The following ATG10 variants were observed in gnomAD, a reference collection of about 807,000 sequenced individuals.
ATG10 encodes ubiquitin-like-conjugating enzyme ATG10.
ATG10 carries 30 observed loss-of-function variants against 32.1 expected under a neutral mutation model. That is an observed-to-expected ratio of 0.94 (90% CI 0.70 to 1.27). The LOEUF is 1.27. ATG10 is among the 50% of genes most tolerant of loss of function. The probability of loss-of-function intolerance (pLI) is 0.00; values close to 1 mark genes in which losing one functional copy is unlikely to be tolerated. For synonymous variants in ATG10, 87 were observed against 91.5 expected (o/e 0.95, Z 0.28); for missense variants, 233 against 262.3 (o/e 0.89, Z 0.77).
At chr5:82,080,111 G>A (rs1381068998) in intron 3 of ATG10, among the ~76,000 whole-genome samples, 2 of 152,154 alleles carry the variant, frequency 1.3e-5, no homozygotes, top group African/African-American at 4.8e-5. Flanking sequence ...TTTATCTGAT[G>A]GCCAGTGATG....
At chr5:82,206,677 A>T (rs895166637) in intron 5 of ATG10, among the ~76,000 whole-genome samples, 4 of 152,080 alleles carry the variant, frequency 2.6e-5, no homozygotes, top group African/African-American at 9.7e-5. Flanking sequence ...TTCTTATTGA[A>T]GTGTAATGTA....
intron 3 of ATG10, among the ~76,000 whole-genome samples, chr5:82,060,295 G>T (rs986580246): frequency 3.9e-5 from 6 of 152,062 alleles, no homozygotes; most frequent in African/African-American, 1.4e-4. Context: ...ACATTTTGCT[G>T]TGCTTGCTTT....
intron 2 of ATG10, chr5:82,009,873 C>A (rs1246235581): frequency 6.2e-7 from 1 of 1,609,778 alleles, no homozygotes; most frequent in Non-Finnish European, 8.5e-7. Context: ...GGACTTGCCA[C>A]TAGTGCCATT....
intron 2 of ATG10, among the ~76,000 whole-genome samples, chr5:82,046,748 G>A (rs773744726): frequency 7.2e-5 from 11 of 152,142 alleles, no homozygotes; most frequent in Non-Finnish European, 1.5e-4. Context: ...CAAGGATAGT[G>A]CTTTGAAATC....
rs1743221313 is a variant in ATG10, at chr5:82,159,527, T to C, written c.217-4872T>C. Reference sequence around the variant, plus strand: ...AGAATTCTCTTCATTCTGTGTTCTGTAACATGGTATCAGAAACTTTTTTAT... The same window carrying C: ...AGAATTCTCTTCATTCTGTGTTCTGCAACATGGTATCAGAAACTTTTTTAT... On this transcript the variant is annotated intron_variant, in intron 3 of 7. Coordinates refer to ENST00000282185, the MANE Select transcript of ATG10 (RefSeq NM_031482.5). Among the ~76,000 whole-genome samples the C allele has an allele frequency of 2.0e-5, 3 of 152,164 alleles. No individual in the cohort carries two copies. The South Asian group carries it at 6.2e-4, about 32-fold the overall frequency.
In ATG10 at chr5:82,119,300, A is replaced by G. The variant is rs574966223; in HGVS notation, c.217-45099A>G. 7.9e-5 allele frequency among the ~76,000 whole-genome samples: 12 copies of G among 152,232 alleles called. No individual in the cohort carries two copies. The East Asian group carries it at 2.3e-3, about 29-fold the overall frequency. On this transcript the variant is annotated intron_variant, in intron 3 of 7. Coordinates refer to ENST00000282185, the MANE Select transcript of ATG10 (RefSeq NM_031482.5). Reference sequence around the variant, plus strand: ...TTAACTTGAAAAAATTTTGCTTTTCAATCTTGATAACACTTTTAAAGCAAT... The same window carrying G: ...TTAACTTGAAAAAATTTTGCTTTTCGATCTTGATAACACTTTTAAAGCAAT...
intron 3 of ATG10, among the ~76,000 whole-genome samples, chr5:82,070,012 A>G (rs1764073818): frequency 6.6e-6 from 1 of 152,222 alleles, no homozygotes; most frequent in Non-Finnish European, 1.5e-5. Context: ...GTTTGCTCTT[A>G]GCAAGTATAA....
intron 3 of ATG10, among the ~76,000 whole-genome samples, chr5:82,100,990 G>T (rs1765253822): frequency 6.6e-6 from 1 of 152,128 alleles, no homozygotes; most frequent in Non-Finnish European, 1.5e-5. Context: ...GCTTCAACCT[G>T]TATAGAAGAG....
chr5:82,252,755 T>G, intron 6 of ATG10, 96 bp downstream of exon 6: 1 of 687,978 alleles, frequency 1.5e-6, no homozygotes, highest in Non-Finnish European at 2.5e-6. Context: ...AAAAGAAATA[T>G]TAATAATAAT....
At chr5:82,244,339 G>T (rs2150022957) in intron 5 of ATG10, among the ~76,000 whole-genome samples, 1 of 152,122 alleles carries the variant, frequency 6.6e-6, no homozygotes, top group East Asian at 1.9e-4. Flanking sequence ...GTAAGTGTGT[G>T]GTCTTAGGAG....
At chr5:81,996,075 A>G (rs1180810935) in intron 2 of ATG10, among the ~76,000 whole-genome samples, 1 of 152,164 alleles carries the variant, frequency 6.6e-6, no homozygotes. Flanking sequence ...TACTAAATCA[A>G]TTTAGTTTAA....
intron 4 of ATG10, among the ~76,000 whole-genome samples, chr5:82,175,411 G>A (rs1246458995): frequency 6.6e-6 from 1 of 152,146 alleles, no homozygotes; most frequent in Admixed American, 6.6e-5. Context: ...CTCCCAAAGT[G>A]CTGAGATTAC....
intron 4 of ATG10, among the ~76,000 whole-genome samples, chr5:82,175,748 T>C (rs1743989937): frequency 6.6e-6 from 1 of 152,240 alleles, no homozygotes; most frequent in Non-Finnish European, 1.5e-5. Flanking sequence ...CACTAAAGTC[T>C]AAAATTGCAA....
chr5:82,058,459 G>T (rs1428936747), intron 2 of ATG10, 36 bp from the exon 3 acceptor site: 1 of 1,410,962 alleles, frequency 7.1e-7, no homozygotes, highest in East Asian at 2.3e-5. Flanking sequence ...AAAATAATTG[G>T]CATTTTCTTA....
At chr5:82,067,082 A>G (rs1763964186) in intron 3 of ATG10, among the ~76,000 whole-genome samples, 1 of 152,192 alleles carries the variant, frequency 6.6e-6, no homozygotes, top group South Asian at 2.1e-4. Context: ...ATGCTGACAG[A>G]TAAATGGATT....
At chr5:82,089,449 T>C (rs551806152) in intron 3 of ATG10, among the ~76,000 whole-genome samples, 7 of 152,254 alleles carry the variant, frequency 4.6e-5, no homozygotes, top group African/African-American at 1.7e-4. Context: ...CCAAATGATT[T>C]TTAACAAAAG....
intron 2 of ATG10, among the ~76,000 whole-genome samples, chr5:82,012,264 T>G (rs1762146144): frequency 6.6e-6 from 1 of 152,248 alleles, no homozygotes; most frequent in African/African-American, 2.4e-5. Context: ...CCCAGTTCCC[T>G]GAAATGGTTG....
At chr5:82,139,588 A>G (rs1162413850) in intron 3 of ATG10, among the ~76,000 whole-genome samples, 4 of 144,876 alleles carry the variant, frequency 2.8e-5, no homozygotes, top group Non-Finnish European at 4.5e-5. Flanking sequence ...CTGAGAAGTG[A>G]GGAGCCTCTC....
At chr5:82,176,269 G>A (rs913884748) in intron 4 of ATG10, among the ~76,000 whole-genome samples, 1 of 152,118 alleles carries the variant, frequency 6.6e-6, no homozygotes, top group African/African-American at 2.4e-5. Context: ...CAGAGGCAGC[G>A]TGGACCAGCA....
Sources: gnomAD v4.1 joint callset for allele counts (sites outside exome capture counted in the v4.1 genomes callset) on GRCh38, gnomAD v4.1.1 for gene constraint, MANE v1.5 for transcripts, NCBI Gene and HGNC (gene_info 2026-07-23, HGNC 2026-07-21) for gene names.